SYNCRIP: variants seen among roughly 807,000 people sequenced by gnomAD.
SYNCRIP encodes heterogeneous nuclear ribonucleoprotein Q.
Under a neutral mutation model 68.9 loss-of-function variants are expected in SYNCRIP, and 9 were observed. That is an observed-to-expected ratio of 0.13 (90% CI 0.08 to 0.23). The LOEUF (loss-of-function observed/expected upper bound fraction) is 0.23, where lower values mean the gene tolerates loss of function less well. Among genes scored for constraint, SYNCRIP ranks in the 10% least tolerant of loss-of-function variants. The pLI is 1.00. For missense variants in SYNCRIP, 414 were observed against 770.6 expected, an observed-to-expected ratio of 0.54 and a Z score of 5.48; for synonymous variants, 258 against 254.0, an observed-to-expected ratio of 1.02 and a Z score of -0.15.
At chr6:85,630,357 TCTCAAAAAC>T in intron 6 of SYNCRIP, among the ~76,000 whole-genome samples, 1 of 152,242 alleles carries the variant, frequency 6.6e-6, no homozygotes, top group South Asian at 2.1e-4. Context: ...CGAGACTCCA[TCTCAAAAAC>T]AAACAAACAA....
downstream of SYNCRIP, chr6:85,609,522 A>C (rs529420784): frequency 2.0e-5 from 3 of 152,090 alleles, no homozygotes; most frequent in East Asian, 5.8e-4. Flanking sequence ...TTAAGCTAAA[A>C]ACTGCAATCA....
intron 8 of SYNCRIP, among the ~76,000 whole-genome samples, chr6:85,621,125 T>C (rs757759535): frequency 2.0e-5 from 3 of 152,246 alleles, no homozygotes; most frequent in Non-Finnish European, 4.4e-5. Context: ...CATCTGAATG[T>C]GTTAATCTAA....
At chr6:85,616,163 G>C (rs771038714) in intron 10 of SYNCRIP, among the ~76,000 whole-genome samples, 1 of 152,056 alleles carries the variant, frequency 6.6e-6, no homozygotes, top group Non-Finnish European at 1.5e-5. Flanking sequence ...AGGACTAAAC[G>C]AAGTTACAAT....
In SYNCRIP at chr6:85,640,342, T is replaced by G; in HGVS notation, c.268-14A>C. Reference sequence around the variant, plus strand: ...GGCACTTTTGTTCTGCAAAAAAATGTTCCATTAATATTTAACAATAACCAT... The same window carrying G: ...GGCACTTTTGTTCTGCAAAAAAATGGTCCATTAATATTTAACAATAACCAT... On this transcript the variant is annotated splice_polypyrimidine_tract_variant and intron_variant, in intron 3 of 10. Transcript: ENST00000369622. 6.2e-7 allele frequency: 1 copy of G among 1,608,548 alleles called. No homozygotes were observed.
chr6:85,619,506 T>A, intron 8 of SYNCRIP, 89 bp from the exon 9 acceptor site: 5 of 1,152,656 alleles, frequency 4.3e-6, no homozygotes, highest in Non-Finnish European at 6.0e-6. Flanking sequence ...TTAACTCAAA[T>A]CACAATCCAT....
intron 8 of SYNCRIP, 30 bp downstream of exon 8, chr6:85,622,452 A>C (rs1806528350): frequency 1.9e-6 from 3 of 1,594,070 alleles, no homozygotes; most frequent in East Asian, 4.5e-5. Flanking sequence ...TTAATCCCTC[A>C]AAAAATATTT....
intron 10 of SYNCRIP, among the ~76,000 whole-genome samples, chr6:85,617,650 A>C (rs1299363506): frequency 1.3e-5 from 2 of 152,364 alleles, no homozygotes; most frequent in East Asian, 3.9e-4. Context: ...AACTGAAGAA[A>C]TTGAGGTTCA....
At chr6:85,613,893 AC>A (rs1805480414), downstream of SYNCRIP, 1 of 872,234 alleles carries the variant, frequency 1.1e-6, no homozygotes, top group Middle Eastern at 5.8e-4. Flanking sequence ...TGACCTGCAA[AC>A]CCTTTGAGAC....
At chr6:85,640,834 A>G (rs772859943) in intron 2 of SYNCRIP, among the ~76,000 whole-genome samples, 45 of 152,092 alleles carry the variant, frequency 3.0e-4, no homozygotes, top group Admixed American at 6.5e-4. Flanking sequence ...GTATTTTTAC[A>G]GTATACAGAC....
At chr6:85,625,012 T>C (rs1189901180) in intron 6 of SYNCRIP, among the ~76,000 whole-genome samples, 5 of 152,158 alleles carry the variant, frequency 3.3e-5, no homozygotes, top group African/African-American at 7.2e-5. Context: ...CATACAACTT[T>C]ATAGAAATAC....
At chr6:85,623,566 A>AAAAAAAAAAAAAAAAAAAAAC (rs1321632612) in intron 7 of SYNCRIP, among the ~76,000 whole-genome samples, 2 of 89,886 alleles carry the variant, frequency 2.2e-5, no homozygotes, top group Non-Finnish European at 6.0e-5. Context: ...TGTCTCCAAA[A>AAAAAAAAAAAAAAAAAAAAAC]AAAAAAAAAA....
chr6:85,616,223 T>G (rs1013027778), intron 10 of SYNCRIP, among the ~76,000 whole-genome samples: 2 of 152,234 alleles, frequency 1.3e-5, no homozygotes, highest in African/African-American at 4.8e-5. Flanking sequence ...TCCTTAAAAC[T>G]TAGTGATTAT....
chr6:85,640,128 AACAT>A, intron 4 of SYNCRIP, 89 bp downstream of exon 4: 1 of 824,026 alleles, frequency 1.2e-6, no homozygotes, highest in South Asian at 1.6e-5. Context: ...CTCAACATCT[AACAT>A]ACATCCATTT....
At chr6:85,623,189 CA>C (rs1357222859) in intron 7 of SYNCRIP, among the ~76,000 whole-genome samples, 1 of 152,004 alleles carries the variant, frequency 6.6e-6, no homozygotes, top group East Asian at 1.9e-4. Flanking sequence ...GTTGGCAGAC[CA>C]AAATATTTTC....
chr6:85,641,501 C>A lies in SYNCRIP; in HGVS notation c.-12-50G>T, dbSNP rs548451083. 2,319 of 1,560,314 alleles carry A rather than the reference C, an allele frequency of 1.5e-3. 2 individuals are homozygous for A. The highest frequency in any genetic ancestry group is 2.0e-3 in the Middle Eastern group (11 of 5,618). On this transcript the variant is annotated intron_variant, in intron 1 of 10. Transcript: ENST00000369622. Reference sequence around the variant, plus strand: ...TAAACTAGGATCTTCAAAAAGAATACAAGACAATATGAGAGCCCCATCTTT... The same window carrying A: ...TAAACTAGGATCTTCAAAAAGAATAAAAGACAATATGAGAGCCCCATCTTT...
intron 10 of SYNCRIP, among the ~76,000 whole-genome samples, chr6:85,616,841 G>C (rs916724953): frequency 6.6e-6 from 1 of 152,024 alleles, no homozygotes; most frequent in East Asian, 1.9e-4. Flanking sequence ...TCTTTCCAGG[G>C]GGACATTTTA....
chr6:85,636,711 A>G (rs1234097575), intron 6 of SYNCRIP, among the ~76,000 whole-genome samples: 1 of 152,212 alleles, frequency 6.6e-6, no homozygotes, highest in Admixed American at 6.5e-5. Context: ...CAAACACACA[A>G]AAACGTCACT....
In SYNCRIP at chr6:85,623,562, C is replaced by CCAAAAAAAA. The variant is rs572909849; in HGVS notation, c.802+414_802+415insTTTTTTTTG. 7.1e-4 allele frequency among the ~76,000 whole-genome samples: 45 copies of CCAAAAAAAA among 63,256 alleles called. 7 individuals carry two copies. Among genetic ancestry groups the CCAAAAAAAA allele is most frequent in the South Asian group, 2.7e-3 (4 of 1,482 alleles). 41.5% of individuals were successfully genotyped at this position (63,256 alleles called of 152,430 possible). On this transcript the variant is annotated intron_variant, in intron 7 of 10. Coordinates refer to ENST00000369622, the MANE Select transcript of SYNCRIP (RefSeq NM_006372.5). ...CTGGGCAACAAAGCAAGACTGTCTC[C>CCAAAAAAAA]AAAAAAAAAAAAAAAAAAAAACACT... is the stretch of plus-strand genomic sequence containing the variant.
intron 6 of SYNCRIP, among the ~76,000 whole-genome samples, chr6:85,629,461 ATGGAT>A (rs1807448728): frequency 6.9e-6 from 1 of 144,622 alleles, no homozygotes; most frequent in East Asian, 2.1e-4. Context: ...GCCGAAGCAA[ATGGAT>A]CACTGAAGGT....
Sources: allele counts gnomAD v4.1 joint callset (sites outside exome capture counted in the v4.1 genomes callset), GRCh38; gene constraint gnomAD v4.1.1; transcripts MANE v1.5; gene names NCBI Gene and HGNC (gene_info 2026-07-23, HGNC 2026-07-21).